USP15: variants seen among roughly 807,000 people sequenced by gnomAD.
USP15 encodes the protein ubiquitin carboxyl-terminal hydrolase 15.
A neutral mutation model predicts 127.1 loss-of-function variants in USP15; 18 were observed. That is an observed-to-expected ratio of 0.14 (90% CI 0.10 to 0.21). The LOEUF (loss-of-function observed/expected upper bound fraction) is 0.21, where lower values mean the gene tolerates loss of function less well. Ranked by LOEUF, USP15 falls within the 10% of genes least tolerant of loss-of-function variation. USP15 has a pLI of 1.00. For synonymous variants in USP15, 364 were observed against 393.7 expected, an observed-to-expected ratio of 0.92 and a Z score of 0.89; for missense variants, 805 against 1,159.9, an observed-to-expected ratio of 0.69 and a Z score of 4.44.
chr12:62,356,018 A>G (rs1439350797), intron 8 of USP15, among the ~76,000 whole-genome samples: 1 of 148,714 alleles, frequency 6.7e-6, no homozygotes, highest in Non-Finnish European at 1.5e-5. Context: ...CTATATCCTC[A>G]ACTTGTTAAA....
At chr12:62,292,854 C>G (rs1269585645) in intron 1 of USP15, among the ~76,000 whole-genome samples, 1 of 152,108 alleles carries the variant, frequency 6.6e-6, no homozygotes, top group East Asian at 1.9e-4. Context: ...TATTGGGAAC[C>G]CTGCAGCACC....
intron 1 of USP15, among the ~76,000 whole-genome samples, chr12:62,287,890 A>G (rs1257140787): frequency 5.3e-5 from 8 of 152,118 alleles, no homozygotes; most frequent in Non-Finnish European, 8.8e-5. Context: ...GTTGAAGATC[A>G]GTTGGCAAAG....
intron 1 of USP15, among the ~76,000 whole-genome samples, chr12:62,286,952 A>AG (rs2137118944): frequency 6.6e-6 from 1 of 151,768 alleles, no homozygotes; most frequent in African/African-American, 2.4e-5. Context: ...AAAAAAAAAA[A>AG]GTGATACATA....
At position 62,321,444 on chromosome 12, in the gene USP15, T is replaced by A. The variant is rs1343845578; in HGVS notation, c.476-20T>A. On this transcript the variant is annotated intron_variant, in intron 4 of 21. Transcript: ENST00000280377. ...TTGAAATACATACTATATTTATATA[T>A]CTTTCCTCCTTAAATCTAGATACAA... The A allele has an allele frequency of 2.0e-6, 3 of 1,469,710 alleles. No individual in the cohort carries two copies. The African/African-American group carries it at 4.3e-5, about 21-fold the overall frequency. The allele number at this position is 1,469,710 out of a possible 1,614,324, so 91.0% of individuals were successfully genotyped here. A position where few individuals can be genotyped will look rare whatever the true frequency, so the allele number is the denominator to read the frequency against.
At chr12:62,388,911 T>C (rs1429876896) in intron 11 of USP15, among the ~76,000 whole-genome samples, 1 of 152,160 alleles carries the variant, frequency 6.6e-6, no homozygotes, top group Non-Finnish European at 1.5e-5. Context: ...AGAAGGTCAC[T>C]TGAATCCAGG....
rs780759780 is a variant in USP15 at position 62,401,211 on chromosome 12, A to T, written c.2699A>T (p.Asp900Val). ...GATACTGCTTTTGCAAAAAATAAAG[A>T]TGATGGAAAATGGTACTATTTTGAT... is the stretch of plus-strand genomic sequence containing the variant. ...GHYTAFAKNK[D>V]DGKWYYFDDS... Residue 900 changes from aspartate to valine, a missense_variant, in exon 21 of 22, where the codon GAT becomes GTT. Around this residue, in one of 11 missense-constraint regions of USP15, gnomAD observed 116 missense variants for 157.2 expected, o/e 0.74. Coordinates refer to ENST00000280377, the MANE Select transcript of USP15 (RefSeq NM_001252078.2). 2.5e-6 allele frequency: 4 copies of T among 1,611,484 alleles called. No individual in the cohort carries two copies. The highest frequency in any genetic ancestry group is 3.4e-6 in the Non-Finnish European group (4 of 1,178,674).
Position 62,410,757 on chromosome 12 carries a change from T to C in USP15, c.*6382T>C, listed in dbSNP as rs1183862834. 1 of 152,162 alleles carries C rather than the reference T, an allele frequency of 6.6e-6. No homozygotes were observed. Among genetic ancestry groups the C allele is most frequent in the Non-Finnish European group, 1.5e-5 (1 of 68,024 alleles). 9.4% of individuals were successfully genotyped at this position (152,162 alleles called of 1,614,324 possible). On this transcript the variant is annotated 3_prime_UTR_variant, in exon 22 of 22. Transcript: ENST00000280377. ...ATGGGTGTGGAGAGGAAGGCTTAAATTTCATTTTTGAAGCTGTCGTTAAAA... is the reference window on the plus strand; with the variant it reads ...ATGGGTGTGGAGAGGAAGGCTTAAACTTCATTTTTGAAGCTGTCGTTAAAA...
intron 20 of USP15, among the ~76,000 whole-genome samples, chr12:62,398,682 T>C (rs2067577813): frequency 6.6e-6 from 1 of 152,210 alleles, no homozygotes; most frequent in South Asian, 2.1e-4. Flanking sequence ...AGTTGTAACA[T>C]GTCTTAATAC....
intron 1 of USP15, among the ~76,000 whole-genome samples, chr12:62,269,010 A>G (rs1254269282): frequency 1.6e-5 from 2 of 125,588 alleles, no homozygotes; most frequent in Non-Finnish European, 3.6e-5. Flanking sequence ...AGTATGTGCG[A>G]TTTTTGCATC....
In USP15 at chr12:62,314,775, G is replaced by A. The variant is rs1250341780; in HGVS notation, c.349-15G>A. ...GATATAGGTGACACTGATTTGTTTT[G>A]TTTCATTATTTTAGGTGGTTGAACA... On this transcript the variant is annotated splice_polypyrimidine_tract_variant and intron_variant, in intron 3 of 21. Transcript: ENST00000280377. The A allele has an allele frequency of 2.0e-6, 3 of 1,535,190 alleles. No homozygotes were observed. The highest frequency in any genetic ancestry group is 2.6e-6 in the Non-Finnish European group (3 of 1,139,762).
chr12:62,307,541 C>G (rs947096848), intron 3 of USP15, among the ~76,000 whole-genome samples: 1 of 152,130 alleles, frequency 6.6e-6, no homozygotes, highest in Non-Finnish European at 1.5e-5. Context: ...GCCTATACAT[C>G]AAGAGGCACT....
intron 9 of USP15, among the ~76,000 whole-genome samples, chr12:62,382,896 C>T (rs2067033559): frequency 6.6e-6 from 1 of 151,782 alleles, no homozygotes; most frequent in African/African-American, 2.4e-5. Flanking sequence ...ACCTACCAGA[C>T]ATTTATAGGA....
chr12:62,375,461 T>G (rs754774212), intron 8 of USP15, among the ~76,000 whole-genome samples: 13 of 152,178 alleles, frequency 8.5e-5, no homozygotes, highest in South Asian at 2.1e-4. Flanking sequence ...CATACCTGTT[T>G]GAGTGTGCCC....
chr12:62,392,171 AG>A, intron 17 of USP15, 100 bp from the exon 18 acceptor site: 1 of 824,364 alleles, frequency 1.2e-6, no homozygotes, highest in South Asian at 1.7e-5. Flanking sequence ...GATTCTTTTG[AG>A]AAAGTTTAGG....
rs369776377 is a variant in USP15, at chr12:62,347,611, A to T, written c.684-1610A>T. Among the ~76,000 whole-genome samples the T allele has an allele frequency of 3.9e-5, 6 of 152,174 alleles. No homozygotes were observed. The East Asian group carries it at 1.2e-3, about 29-fold the overall frequency. ...TTAATGTGGAGGCAAAAATGCCAGG[A>T]TATTTCCATTTTTATTAATATTTTA... On this transcript the variant is annotated intron_variant, in intron 6 of 21. Coordinates refer to ENST00000280377, the MANE Select transcript of USP15 (RefSeq NM_001252078.2).
At chr12:62,376,294 G>T (rs187342267) in intron 8 of USP15, among the ~76,000 whole-genome samples, 350 of 151,824 alleles carry the variant, frequency 2.3e-3, no homozygotes, top group African/African-American at 7.8e-3. Context: ...ATTAAAAATT[G>T]GAACTATTAG....
chr12:62,405,164 C>T lies in USP15; in HGVS notation c.*789C>T, dbSNP rs1210583354. On this transcript the variant is annotated 3_prime_UTR_variant, in exon 22 of 22. Coordinates refer to ENST00000280377, the MANE Select transcript of USP15 (RefSeq NM_001252078.2). Reference sequence around the variant, plus strand: ...TGCATATCTTTAATTGGGTGTTGGTCCAAAATTAAAATTTTTGCTGTCTGT... The same window carrying T: ...TGCATATCTTTAATTGGGTGTTGGTTCAAAATTAAAATTTTTGCTGTCTGT... 1 of 151,946 alleles carries T rather than the reference C, an allele frequency of 6.6e-6. No individual in the cohort carries two copies. Among genetic ancestry groups the T allele is most frequent in the South Asian group, 2.1e-4 (1 of 4,836 alleles). The allele number at this position is 151,946 out of a possible 1,614,324, so 9.4% of individuals were successfully genotyped here.
At chr12:62,302,219 T>C (rs1293377907) in intron 2 of USP15, among the ~76,000 whole-genome samples, 1 of 152,146 alleles carries the variant, frequency 6.6e-6, no homozygotes, top group African/African-American at 2.4e-5. Context: ...TTGTAAAAGG[T>C]TGTTGATTTG....
At chr12:62,287,656 G>C (rs556728817) in intron 1 of USP15, among the ~76,000 whole-genome samples, 1 of 152,096 alleles carries the variant, frequency 6.6e-6, no homozygotes, top group East Asian at 1.9e-4. Flanking sequence ...CCAGTGAACA[G>C]AGAGTTTTTC....
Sources: allele counts gnomAD v4.1 joint callset (sites outside exome capture counted in the v4.1 genomes callset), GRCh38; gene constraint gnomAD v4.1.1; regional missense constraint gnomAD v4.1.1; transcripts MANE v1.5; gene names NCBI Gene and HGNC (gene_info 2026-07-23, HGNC 2026-07-21).